Variants in PCLO observed in about 807,000 individuals in gnomAD.
The protein encoded by PCLO is piccolo presynaptic cytomatrix protein.
A neutral mutation model predicts 427.5 loss-of-function variants in PCLO; 82 were observed. The observed-to-expected ratio is 0.19, with a 90% CI of 0.16 to 0.23. The LOEUF (loss-of-function observed/expected upper bound fraction) is 0.23. PCLO is among the 10% of genes least tolerant of loss of function. PCLO has a pLI of 1.00. For synonymous variants in PCLO, 2,357 were observed against 2,155.4 expected, an observed-to-expected ratio of 1.09 and a Z score of -2.59; for missense variants, 6,239 against 6,115.9, an observed-to-expected ratio of 1.02 and a Z score of -0.67.
At chr7:83,009,329 A>T (rs1298685403) in intron 3 of PCLO, among the ~76,000 whole-genome samples, 1 of 151,880 alleles carries the variant, frequency 6.6e-6, no homozygotes, top group African/African-American at 2.4e-5. Flanking sequence ...TCATTTTGAT[A>T]CTGTGAAATT....
chr7:82,987,973 A>C (rs1032508014), intron 3 of PCLO, among the ~76,000 whole-genome samples: 1 of 152,178 alleles, frequency 6.6e-6, no homozygotes, highest in Non-Finnish European at 1.5e-5. Flanking sequence ...TGGAGACAGC[A>C]TATTATCAAA....
At chr7:82,826,429 A>G (rs1199992273) in intron 18 of PCLO, among the ~76,000 whole-genome samples, 160 bp downstream of exon 18, 1 of 152,170 alleles carries the variant, frequency 6.6e-6, no homozygotes. Flanking sequence ...TTGAATTGGT[A>G]TTAATCTACT....
intron 7 of PCLO, among the ~76,000 whole-genome samples, chr7:82,910,771 C>G (rs942741601): frequency 6.6e-6 from 1 of 152,080 alleles, no homozygotes; most frequent in Admixed American, 6.6e-5. Context: ...GTTTTCCAGT[C>G]TTAATTTGAA....
rs1228219297 is a variant in PCLO at position 82,794,450 on chromosome 7, ATTTTTTTTC to A, written c.15007+7059_15007+7067del. Among the ~76,000 whole-genome samples, 400 of 62,068 alleles carry A rather than the reference ATTTTTTTTC, an allele frequency of 6.4e-3. 26 individuals are homozygous for A. The Admixed American group carries it at 0.065, about 10-fold the overall frequency. 40.7% of individuals were successfully genotyped at this position (62,068 alleles called of 152,430 possible). ...TTGTTACTGACATGCTAGTTCATAA[ATTTTTTTTC>A]TTTTTTTTTTTTTTTTTTTTTTTTT... is the stretch of plus-strand genomic sequence containing the variant. On this transcript the variant is annotated intron_variant, in intron 22 of 24. Coordinates refer to ENST00000333891, the MANE Select transcript of PCLO (RefSeq NM_033026.6).
chr7:83,094,814 A>C (rs1019862167), intron 3 of PCLO, among the ~76,000 whole-genome samples: 1 of 152,142 alleles, frequency 6.6e-6, no homozygotes, highest in African/African-American at 2.4e-5. Flanking sequence ...GAAATCATCA[A>C]ACTGTCTTCT....
intron 22 of PCLO, among the ~76,000 whole-genome samples, chr7:82,795,253 A>G (rs1009781347): frequency 6.6e-6 from 1 of 152,120 alleles, no homozygotes; most frequent in Non-Finnish European, 1.5e-5. Context: ...TATAATAATC[A>G]TTTACTTTAA....
At chr7:83,145,214 T>G (rs1185471682) in intron 2 of PCLO, among the ~76,000 whole-genome samples, 1 of 152,184 alleles carries the variant, frequency 6.6e-6, no homozygotes, top group Non-Finnish European at 1.5e-5. Flanking sequence ...CAGAGTGGCC[T>G]GCTTAGAGTA....
rs1164103140 is a variant in PCLO at position 83,156,396 on chromosome 7, G to T, written c.249-4C>A. ...ACTACTATCCAACTCTTGTTTCCTA[G>T]AAGAGTTAAAAAAAAAAAAAAAAAT... On this transcript the variant is annotated splice_region_variant and splice_polypyrimidine_tract_variant and intron_variant, in intron 1 of 24. Coordinates refer to ENST00000333891, the MANE Select transcript of PCLO (RefSeq NM_033026.6). 1.3e-5 allele frequency: 16 copies of T among 1,210,292 alleles called. No individual in the cohort carries two copies. The highest frequency in any genetic ancestry group is 3.5e-5 in the African/African-American group (2 of 56,340). The allele number at this position is 1,210,292 out of a possible 1,614,324, so 75.0% of individuals were successfully genotyped here.
intron 20 of PCLO, among the ~76,000 whole-genome samples, chr7:82,812,383 T>A (rs557249634): frequency 1.1e-4 from 16 of 151,702 alleles, no homozygotes; most frequent in Admixed American, 4.0e-4. Flanking sequence ...CCGTATACTA[T>A]AATCCTTGCT....
chr7:83,020,967 T>C (rs535830197), intron 3 of PCLO, among the ~76,000 whole-genome samples: 1 of 152,296 alleles, frequency 6.6e-6, no homozygotes, highest in African/African-American at 2.4e-5. Context: ...GATAACAACT[T>C]GAGCATTGTG....
intron 6 of PCLO, among the ~76,000 whole-genome samples, chr7:82,947,131 A>G (rs1795221907): frequency 6.6e-6 from 1 of 151,956 alleles, no homozygotes. Flanking sequence ...AATGACCTCC[A>G]TTTTTCTCTC....
Position 82,951,881 on chromosome 7 carries a change from A to T in PCLO, c.9072T>A (p.Asp3024Glu), listed in dbSNP as rs1272891715. ...CTGTAGTAACTCTCCCTGAAGTCAG[A>T]TCTACTGCTGTGTCAGTTCCTTCAG... ...DYSEGTDTAV[D>E]LTSGRVTTGE... Residue 3024 changes from aspartate to glutamate, a missense_variant, in exon 5 of 25, where the codon GAT (aspartate) becomes GAA (glutamate). Around this residue, in one of 5 missense-constraint regions of PCLO, gnomAD observed 4,677 missense variants for 4,468.4 expected, o/e 1.05. Coordinates refer to ENST00000333891, the MANE Select transcript of PCLO (RefSeq NM_033026.6). 6 of 1,613,394 alleles carry T rather than the reference A, an allele frequency of 3.7e-6. No individual in the cohort carries two copies. Among genetic ancestry groups the T allele is most frequent in the Non-Finnish European group, 5.1e-6 (6 of 1,179,654 alleles).
chr7:82,839,209 A>G (rs1214586905), intron 14 of PCLO, among the ~76,000 whole-genome samples: 4 of 152,094 alleles, frequency 2.6e-5, no homozygotes, highest in African/African-American at 4.8e-5. Context: ...GGGCAAATCC[A>G]TATAGAAAGA....
At chr7:82,892,201 A>G (rs1032053786) in intron 9 of PCLO, among the ~76,000 whole-genome samples, 12 of 152,194 alleles carry the variant, frequency 7.9e-5, no homozygotes, top group Non-Finnish European at 1.8e-4. Flanking sequence ...AGTAACCAAA[A>G]CAACATGGTA....
In PCLO at chr7:82,955,964, CCCT is replaced by C; in HGVS notation, c.4986_4988del (p.Gly1663del). The C allele has an allele frequency of 1.9e-6, 3 of 1,613,564 alleles. No homozygotes were observed. Among genetic ancestry groups the C allele is most frequent in the Non-Finnish European group, 2.5e-6 (3 of 1,179,820 alleles). On this transcript the variant is annotated inframe_deletion, in exon 5 of 25. Transcript: ENST00000333891. ...GCTCAATTGTTTTAAATCGGCGTAG[CCCT>C]CCTCCTCCAGTAACTACAAGTTCTT... is the stretch of plus-strand genomic sequence containing the variant.
intron 22 of PCLO, among the ~76,000 whole-genome samples, chr7:82,763,422 C>T (rs542039418): frequency 2.6e-5 from 4 of 151,886 alleles, no homozygotes; most frequent in Non-Finnish European, 4.4e-5. Context: ...AACCACATTT[C>T]GAGAATCAGT....
intron 3 of PCLO, among the ~76,000 whole-genome samples, chr7:83,070,386 TG>T (rs1443976813): frequency 7.5e-6 from 1 of 133,848 alleles, no homozygotes; most frequent in Non-Finnish European, 1.5e-5. Flanking sequence ...CTACGTTTTG[TG>T]GTTTTTTTTT....
intron 10 of PCLO, among the ~76,000 whole-genome samples, chr7:82,848,405 G>A (rs1416319994): frequency 2.1e-5 from 3 of 144,220 alleles, no homozygotes; most frequent in African/African-American, 7.5e-5. Context: ...CCGCCTTCCA[G>A]GTTCAAGCAA....
In PCLO at chr7:82,758,635, A is replaced by G; in HGVS notation, c.15369T>C (p.Asp5123=). ...GEACIWLDKV[D]LRKRIVNWHK... Reference sequence around the variant, plus strand: ...GCCAGTTGACTATTCTTTTTCTGAGATCCACTTTGTCAAGCCAGATACAGG... The same window carrying G: ...GCCAGTTGACTATTCTTTTTCTGAGGTCCACTTTGTCAAGCCAGATACAGG... Residue 5123 remains aspartate (D), a synonymous_variant, in exon 25 of 25, where the codon GAT becomes GAC. Transcript: ENST00000333891. 6.2e-7 allele frequency: 1 copy of G among 1,611,632 alleles called. No individual in the cohort carries two copies. The highest frequency in any genetic ancestry group is 8.5e-7 in the Non-Finnish European group (1 of 1,178,178).
Sources: gnomAD v4.1 joint callset for allele counts (sites outside exome capture counted in the v4.1 genomes callset) on GRCh38, gnomAD v4.1.1 for gene constraint, gnomAD v4.1.1 regional missense constraint, MANE v1.5 for transcripts, NCBI Gene and HGNC (gene_info 2026-07-23, HGNC 2026-07-21) for gene names.